NACC2: variants seen among roughly 807,000 people sequenced by gnomAD.
NACC2 encodes nucleus accumbens-associated protein 2.
In NACC2, 8 loss-of-function variants were observed where a neutral mutation model predicts 25.1. The ratio of observed to expected loss-of-function variants is 0.32; its 90% CI spans 0.19 to 0.57. The LOEUF is 0.57. Ranked by LOEUF, NACC2 falls within the 20% of genes least tolerant of loss-of-function variation. NACC2 has a pLI of 0.89. For synonymous variants in NACC2, 435 were observed against 294.7 expected, an observed-to-expected ratio of 1.48 and a Z score of -4.88; for missense variants, 644 against 650.2, an observed-to-expected ratio of 0.99 and a Z score of 0.10.
At chr9:136,044,436 C>T (rs1372631760) in intron 2 of NACC2, among the ~76,000 whole-genome samples, 1 of 151,766 alleles carries the variant, frequency 6.6e-6, no homozygotes, top group South Asian at 2.1e-4. Context: ...GGGTATTGGC[C>T]CTTCAAAGCA....
chr9:136,073,457 A>T (rs537877962), intron 1 of NACC2, among the ~76,000 whole-genome samples: 40 of 152,208 alleles, frequency 2.6e-4, no homozygotes, highest in African/African-American at 9.4e-4. Context: ...AAAAATAAAA[A>T]ATGAGGACCC....
chr9:136,075,487 C>T lies in NACC2; in HGVS notation c.-60+19702G>A, dbSNP rs112977995. On this transcript the variant is annotated intron_variant, in intron 1 of 5. Transcript: ENST00000277554. ...CGGCAGCGGCTCCGTGTGAACCTGC[C>T]GTCTCCTACATCGCGGTACAGTTTC... is the stretch of plus-strand genomic sequence containing the variant. Among the ~76,000 whole-genome samples the T allele has an allele frequency of 4.5e-4, 69 of 152,374 alleles. 1 individual carries two copies. In the East Asian group the frequency reaches 7.5e-3, roughly 17 times the overall value.
intron 2 of NACC2, among the ~76,000 whole-genome samples, chr9:136,045,379 C>G (rs1468001847): frequency 1.5e-5 from 2 of 129,950 alleles, no homozygotes; most frequent in African/African-American, 5.0e-5. Flanking sequence ...GGCCCTGTGG[C>G]CAGAGCTGTC....
intron 1 of NACC2, among the ~76,000 whole-genome samples, chr9:136,094,946 T>TCCGCCGGGACCCCCCGGCC (rs1830473450): frequency 6.9e-6 from 1 of 145,742 alleles, no homozygotes; most frequent in South Asian, 2.1e-4. Flanking sequence ...CGCGGGCGCC[T>TCCGCCGGGACCCCCCGGCC]CCGCCGGGAC....
Position 136,055,074 on chromosome 9 carries a change from C to T in NACC2, c.-59-4494G>A, listed in dbSNP as rs1431903059. On this transcript the variant is annotated intron_variant, in intron 1 of 5. Transcript: ENST00000277554. The surrounding 1 kb of genome is among the most constrained non-coding windows in gnomAD (Gnocchi z 4.9). ...GCTGTGGTGTCGGAGTGGGGGGTCT[C>T]TCCTCTGCAGAGCCTCACTTGAGGA... Among the ~76,000 whole-genome samples, 1 of 152,106 alleles carries T rather than the reference C, an allele frequency of 6.6e-6. No individual in the cohort carries two copies. The highest frequency in any genetic ancestry group is 1.5e-5 in the Non-Finnish European group (1 of 68,018).
At chr9:136,014,008 C>T (rs187792134) in intron 3 of NACC2, 39 bp from the exon 4 acceptor site, 19 of 1,280,312 alleles carry the variant, frequency 1.5e-5, no homozygotes, top group Admixed American at 8.4e-5. Flanking sequence ...GTGGCCTTCC[C>T]GGGCCATAGG....
chr9:136,035,712 T>TTA (rs1554738134), intron 2 of NACC2, among the ~76,000 whole-genome samples: 4 of 145,956 alleles, frequency 2.7e-5, no homozygotes, highest in African/African-American at 5.0e-5. Context: ...CCTTGTTTGT[T>TTA]AAAAAAAAAA....
chr9:136,024,456 G>A (rs1339769293), intron 2 of NACC2, among the ~76,000 whole-genome samples: 1 of 148,478 alleles, frequency 6.7e-6, no homozygotes, highest in African/African-American at 2.5e-5. Context: ...CAGAGGGTAT[G>A]TGTGAGGACA....
intron 1 of NACC2, among the ~76,000 whole-genome samples, chr9:136,083,900 G>A (rs549175465): frequency 6.6e-6 from 1 of 152,176 alleles, no homozygotes; most frequent in Non-Finnish European, 1.5e-5. Context: ...GAACCTGGCT[G>A]GCCCAGGCAG....
chr9:136,089,048 G>T (rs1564245408), intron 1 of NACC2, among the ~76,000 whole-genome samples: 2 of 152,224 alleles, frequency 1.3e-5, no homozygotes, highest in South Asian at 2.1e-4. Flanking sequence ...GAAAGGTGTT[G>T]CAAAAACACA....
intron 1 of NACC2, among the ~76,000 whole-genome samples, chr9:136,079,082 C>T (rs1317241280): frequency 6.6e-6 from 1 of 150,656 alleles, no homozygotes; most frequent in Non-Finnish European, 1.5e-5. Flanking sequence ...TAAGTGCACA[C>T]GGTATTAGTT....
At chr9:136,068,634 T>G (rs1047375992) in intron 1 of NACC2, among the ~76,000 whole-genome samples, 1 of 151,846 alleles carries the variant, frequency 6.6e-6, no homozygotes, top group Non-Finnish European at 1.5e-5. Context: ...ACTGCTGTTA[T>G]GCAGCATGTG....
At chr9:136,012,898 G>A (rs546636481) in intron 5 of NACC2, among the ~76,000 whole-genome samples, 1 of 152,356 alleles carries the variant, frequency 6.6e-6, no homozygotes, top group South Asian at 2.1e-4. Flanking sequence ...CAAAATAACC[G>A]CAAAATGTAA....
intron 1 of NACC2, among the ~76,000 whole-genome samples, chr9:136,068,596 G>A (rs1411999423): frequency 1.3e-5 from 2 of 151,400 alleles, no homozygotes; most frequent in Non-Finnish European, 2.9e-5. Flanking sequence ...AATCTCATGA[G>A]AGCAACACTG....
At chr9:136,023,613 G>A (rs944181156) in intron 2 of NACC2, among the ~76,000 whole-genome samples, 2 of 152,184 alleles carry the variant, frequency 1.3e-5, no homozygotes, top group South Asian at 2.1e-4. Context: ...CCTCCGACAG[G>A]GATCCCAGCG....
chr9:136,088,814 G>A (rs1306409005), intron 1 of NACC2, among the ~76,000 whole-genome samples: 1 of 152,196 alleles, frequency 6.6e-6, no homozygotes, highest in Admixed American at 6.5e-5. Context: ...AAAGCACAAG[G>A]GCTGGGCTGT....
At chr9:136,052,442 G>A (rs1210737579) in intron 1 of NACC2, among the ~76,000 whole-genome samples, 2 of 152,046 alleles carry the variant, frequency 1.3e-5, no homozygotes, top group African/African-American at 4.8e-5. Context: ...GGCGCCAGGG[G>A]GAGGGGGTGA....
At chr9:136,042,721 CACAG>C (rs1390209790) in intron 2 of NACC2, among the ~76,000 whole-genome samples, 2 of 150,736 alleles carry the variant, frequency 1.3e-5, no homozygotes, top group African/African-American at 2.4e-5. Flanking sequence ...GAGACACACA[CACAG>C]ACACAGACAC....
intron 2 of NACC2, among the ~76,000 whole-genome samples, chr9:136,031,279 G>A (rs774784072): frequency 3.3e-5 from 5 of 152,168 alleles, no homozygotes; most frequent in African/African-American, 9.7e-5. Flanking sequence ...AGATGAGAAC[G>A]TCGGTATCAA....
Sources: gnomAD v4.1 joint callset for allele counts (sites outside exome capture counted in the v4.1 genomes callset) on GRCh38, gnomAD v4.1.1 for gene constraint, Gnocchi (gnomAD v3.1) non-coding constraint, MANE v1.5 for transcripts, NCBI Gene and HGNC (gene_info 2026-07-23, HGNC 2026-07-21) for gene names.